SH3BP5: variants seen among roughly 807,000 people sequenced by gnomAD.
SH3BP5 encodes the protein SH3 domain-binding protein 5.
SH3BP5 carries 22 observed loss-of-function variants against 43.3 expected under a neutral mutation model. The ratio of observed to expected loss-of-function variants is 0.51; its 90% CI spans 0.36 to 0.73. The LOEUF (loss-of-function observed/expected upper bound fraction) is 0.73, where lower values mean the gene tolerates loss of function less well. Ranked by LOEUF, SH3BP5 falls within the 30% of genes least tolerant of loss-of-function variation. The pLI is 0.00. For synonymous variants in SH3BP5, 255 were observed against 225.8 expected (o/e 1.13, Z -1.16); for missense variants, 529 against 586.9 (o/e 0.90, Z 1.02).
chr3:15,262,378 T>C, intron 4 of SH3BP5, 89 bp from the exon 5 acceptor site: 1 of 1,463,226 alleles, frequency 6.8e-7, no homozygotes, highest in Non-Finnish European at 9.1e-7. Context: ...AAAATATTCT[T>C]TGCCCGGGCA....
chr3:15,256,633 T>C, intron 8 of SH3BP5: 1 of 607,016 alleles, frequency 1.6e-6, no homozygotes, highest in East Asian at 2.8e-5. Flanking sequence ...ATGTGAGACA[T>C]AGGACCTAAG....
At chr3:15,273,260 T>G in intron 3 of SH3BP5, 1 of 985,414 alleles carries the variant, frequency 1.0e-6, no homozygotes, top group Non-Finnish European at 1.2e-6. Flanking sequence ...TTCTCTCTGC[T>G]TCAGTTATGA....
chr3:15,329,262 A>T (rs1698541513), intron 2 of SH3BP5, among the ~76,000 whole-genome samples: 1 of 152,234 alleles, frequency 6.6e-6, no homozygotes, highest in African/African-American at 2.4e-5. Flanking sequence ...TAAAACGTGT[A>T]AAAAACACTC....
Position 15,257,106 on chromosome 3 carries a change from C to T in SH3BP5, c.897G>A (p.Ser299=), listed in dbSNP as rs759244501. ...TACAGCTGTCATCTTCAAAGGCCTC[C>T]GAGGCCACTAAGTTGAGAGAGAACA... is the stretch of plus-strand genomic sequence containing the variant. The part of the protein sequence containing the change: ...KPEPDAISVA[S]EAFEDDSCSN... The change falls in exon 8 of 9, where the codon TCG becomes TCA. Residue 299 remains serine (S), a synonymous_variant. Coordinates refer to ENST00000383791, the MANE Select transcript of SH3BP5 (RefSeq NM_004844.5). 2.5e-6 allele frequency: 4 copies of T among 1,613,504 alleles called. No individual in the cohort carries two copies. The highest frequency in any genetic ancestry group is 2.7e-5 in the African/African-American group (2 of 74,896).
intron 4 of SH3BP5, 145 bp downstream of exon 4, chr3:15,269,568 A>C: frequency 1.2e-6 from 1 of 839,756 alleles, no homozygotes; most frequent in African/African-American, 1.7e-5. Context: ...AGCGCAGCCA[A>C]GAGATCATAC....
At chr3:15,266,240 T>TTC (rs1459106977) in intron 4 of SH3BP5, among the ~76,000 whole-genome samples, 1 of 152,204 alleles carries the variant, frequency 6.6e-6, no homozygotes, top group Non-Finnish European at 1.5e-5. Context: ...AAGAAGGCGC[T>TTC]TCTTCCCACT....
chr3:15,323,547 AC>A (rs1450900830), intron 2 of SH3BP5, among the ~76,000 whole-genome samples: 1 of 152,158 alleles, frequency 6.6e-6, no homozygotes, highest in Non-Finnish European at 1.5e-5. Context: ...CCTCCAGGCT[AC>A]CCAGGGATGT....
intron 2 of SH3BP5, among the ~76,000 whole-genome samples, chr3:15,327,318 T>G (rs914804722): frequency 7.2e-5 from 11 of 152,004 alleles, no homozygotes; most frequent in Non-Finnish European, 1.5e-4. Flanking sequence ...GAGACTGGCT[T>G]GAACCCGGGA....
chr3:15,317,611 T>A (rs1344242562), intron 2 of SH3BP5, among the ~76,000 whole-genome samples: 2 of 152,212 alleles, frequency 1.3e-5, no homozygotes, highest in African/African-American at 4.8e-5. Context: ...TATTCAAGTA[T>A]TGTTTCAACA....
At chr3:15,275,923 G>C (rs527640212) in intron 3 of SH3BP5, 32 of 148,856 alleles carry the variant, frequency 2.1e-4, no homozygotes, top group African/African-American at 7.6e-4. Context: ...GGGAGGCTGA[G>C]GCAGGAGAAT....
chr3:15,291,192 C>A (rs1293079063), intron 3 of SH3BP5, among the ~76,000 whole-genome samples: 1 of 152,164 alleles, frequency 6.6e-6, no homozygotes, highest in Non-Finnish European at 1.5e-5. Flanking sequence ...CATTCGCATG[C>A]TTTTTAGTAT....
intron 1 of SH3BP5, among the ~76,000 whole-genome samples, chr3:15,340,708 G>A (rs931845534): frequency 6.6e-5 from 10 of 151,440 alleles, no homozygotes; most frequent in Non-Finnish European, 1.0e-4. Flanking sequence ...CCAAGATCGC[G>A]CCACTGTACT....
At chr3:15,332,206 GTAGACAC>G in intron 1 of SH3BP5, 58 bp downstream of exon 1, 1 of 1,544,496 alleles carries the variant, frequency 6.5e-7, no homozygotes, top group Non-Finnish European at 8.7e-7. Flanking sequence ...GGCTGTACGC[GTAGACAC>G]CGACCTCCGT....
rs1575275776 is a variant in SH3BP5, at chr3:15,259,203, A to G, written c.670-153T>C. 11 of 647,894 alleles carry G rather than the reference A, an allele frequency of 1.7e-5. No individual in the cohort carries two copies. The East Asian group carries it at 2.5e-4, about 14-fold the overall frequency. 40.1% of individuals were successfully genotyped at this position (647,894 alleles called of 1,614,324 possible). A position where few individuals can be genotyped will look rare whatever the true frequency, so the allele number is the denominator to read the frequency against. ...AGACCTAATTACCATTGTAACTGCT[A>G]TTCATTCACCAGACAAAATCAGCCA... On this transcript the variant is annotated intron_variant, in intron 6 of 8. Transcript: ENST00000383791.
intron 2 of SH3BP5, among the ~76,000 whole-genome samples, chr3:15,315,277 C>T (rs1483435677): frequency 6.6e-6 from 1 of 152,092 alleles, no homozygotes; most frequent in Non-Finnish European, 1.5e-5. Context: ...TTCCATGAGA[C>T]TCCTACAACC....
At chr3:15,264,637 G>A (rs1410225379) in intron 4 of SH3BP5, 3 of 152,144 alleles carry the variant, frequency 2.0e-5, no homozygotes, top group Non-Finnish European at 2.9e-5. Flanking sequence ...AAGCTGGCAC[G>A]AGGAGACATG....
chr3:15,322,434 T>C (rs1698353651), intron 2 of SH3BP5, among the ~76,000 whole-genome samples: 1 of 152,184 alleles, frequency 6.6e-6, no homozygotes, highest in South Asian at 2.1e-4. Flanking sequence ...GAATCTTACA[T>C]GTTCATGAGC....
intron 5 of SH3BP5, 121 bp downstream of exon 5, chr3:15,262,037 GC>G: frequency 1.8e-6 from 2 of 1,136,742 alleles, no homozygotes; most frequent in Non-Finnish European, 2.5e-6. Flanking sequence ...CTCTGGTGAG[GC>G]CCCAGGGTCT....
chr3:15,276,404 CT>C (rs775019984), intron 3 of SH3BP5, among the ~76,000 whole-genome samples: 1 of 152,214 alleles, frequency 6.6e-6, no homozygotes, highest in Non-Finnish European at 1.5e-5. Context: ...GCCACAGCCC[CT>C]GACCCCTAGT....
Sources: allele counts gnomAD v4.1 joint callset (sites outside exome capture counted in the v4.1 genomes callset), GRCh38; gene constraint gnomAD v4.1.1; transcripts MANE v1.5; gene names NCBI Gene and HGNC (gene_info 2026-07-23, HGNC 2026-07-21).